The following MAP7 variants were observed in gnomAD, a reference collection of about 807,000 sequenced individuals.
MAP7 encodes ensconsin.
Under a neutral mutation model 94.8 loss-of-function variants are expected in MAP7, and 52 were observed. The ratio of observed to expected loss-of-function variants is 0.55; its 90% CI spans 0.44 to 0.69. MAP7 has a LOEUF of 0.69. MAP7 is among the 30% of genes least tolerant of loss of function. MAP7 has a pLI of 0.00. For synonymous variants in MAP7, 350 were observed against 357.0 expected (o/e 0.98, Z 0.22); for missense variants, 940 against 964.6 (o/e 0.97, Z 0.34).
At chr6:136,477,178 A>T (rs902179808) in intron 1 of MAP7, among the ~76,000 whole-genome samples, 1 of 152,220 alleles carries the variant, frequency 6.6e-6, no homozygotes, top group African/African-American at 2.4e-5. Flanking sequence ...AGCTGGAACA[A>T]ATCAACATGT....
intron 1 of MAP7, among the ~76,000 whole-genome samples, chr6:136,542,952 C>T (rs1829446831): frequency 6.6e-6 from 1 of 152,128 alleles, no homozygotes; most frequent in Non-Finnish European, 1.5e-5. Flanking sequence ...ACAAACAAAA[C>T]TAACGATACT....
chr6:136,529,693 G>A (rs573573156), intron 1 of MAP7, among the ~76,000 whole-genome samples: 29 of 152,288 alleles, frequency 1.9e-4, no homozygotes, highest in African/African-American at 5.3e-4. Context: ...TTTATATTGC[G>A]TAAAAATATT....
intron 1 of MAP7, among the ~76,000 whole-genome samples, chr6:136,496,909 G>A (rs887628655): frequency 2.0e-5 from 3 of 151,386 alleles, no homozygotes; most frequent in African/African-American, 4.9e-5. Flanking sequence ...AGCGGAGATC[G>A]CGCCACTGCA....
chr6:136,372,765 G>C, intron 7 of MAP7, 140 bp from the exon 8 acceptor site: 1 of 1,013,744 alleles, frequency 9.9e-7, no homozygotes. Flanking sequence ...GTAGGAAGAA[G>C]ATGTTATTAC....
intron 1 of MAP7, among the ~76,000 whole-genome samples, chr6:136,515,342 C>T (rs552886004): frequency 3.9e-5 from 6 of 152,308 alleles, no homozygotes; most frequent in Admixed American, 6.5e-5. Context: ...CAGGCTGTTT[C>T]GCTTTCTTAT....
chr6:136,423,172 T>C (rs1229839585), intron 1 of MAP7, among the ~76,000 whole-genome samples: 3 of 152,200 alleles, frequency 2.0e-5, no homozygotes, highest in East Asian at 1.9e-4. Context: ...GGGCATCCCA[T>C]ACCCATAGCA....
intron 2 of MAP7, 129 bp from the exon 3 acceptor site, chr6:136,411,826 A>T: frequency 5.7e-6 from 4 of 696,926 alleles, no homozygotes; most frequent in Non-Finnish European, 9.4e-6. Flanking sequence ...TACAACAATA[A>T]GTACATGTGA....
chr6:136,345,909 C>T lies in MAP7; in HGVS notation c.2186G>A (p.Gly729Glu). 6.2e-7 allele frequency: 1 copy of T among 1,614,054 alleles called. No homozygotes were observed. The highest frequency in any genetic ancestry group is 8.5e-7 in the Non-Finnish European group (1 of 1,180,012). Reference protein sequence around the residue: ...LNPILAFDDEGTLGPLPQVDG... With the variant: ...LNPILAFDDEETLGPLPQVDG... ...TACCTGAGGCAGGGGCCCAAGTGTCCCTTCATCATCAAAGGCCAAAATTGG... is the reference window on the plus strand; with the variant it reads ...TACCTGAGGCAGGGGCCCAAGTGTCTCTTCATCATCAAAGGCCAAAATTGG... Residue 729 changes from glycine to glutamate, a missense_variant, in exon 17 of 18, where the codon GGG becomes GAG. Physicochemically the swap from Gly to Glu is moderately conservative, Grantham distance 98. Coordinates refer to ENST00000354570, the MANE Select transcript of MAP7 (RefSeq NM_003980.6).
At chr6:136,527,920 CA>C (rs1339603177) in intron 1 of MAP7, among the ~76,000 whole-genome samples, 2 of 152,164 alleles carry the variant, frequency 1.3e-5, no homozygotes, top group African/African-American at 4.8e-5. Context: ...AGATCTCTGG[CA>C]TGAAGAAACG....
intron 1 of MAP7, among the ~76,000 whole-genome samples, chr6:136,490,798 T>C (rs1217156709): frequency 1.1e-4 from 16 of 152,182 alleles, no homozygotes; most frequent in Admixed American, 1.0e-3. Flanking sequence ...CTAAGGTATA[T>C]TCCCATCATC....
intron 1 of MAP7, among the ~76,000 whole-genome samples, chr6:136,506,914 A>T (rs1025337265): frequency 3.9e-5 from 6 of 152,144 alleles, no homozygotes; most frequent in Non-Finnish European, 8.8e-5. Flanking sequence ...ACTGCATTCA[A>T]ATAAGGCAAA....
intron 3 of MAP7, among the ~76,000 whole-genome samples, chr6:136,407,687 C>G (rs1786057670): frequency 1.3e-5 from 2 of 152,154 alleles, no homozygotes; most frequent in Non-Finnish European, 2.9e-5. Context: ...TAGGCTGAGT[C>G]CAGACTGACC....
intron 1 of MAP7, among the ~76,000 whole-genome samples, chr6:136,431,986 G>T (rs1001921847): frequency 3.9e-5 from 6 of 152,134 alleles, no homozygotes; most frequent in African/African-American, 1.4e-4. Flanking sequence ...TTCCTGCTTT[G>T]AATGTCGATG....
chr6:136,473,859 C>T (rs1397413538), intron 1 of MAP7, among the ~76,000 whole-genome samples: 1 of 152,142 alleles, frequency 6.6e-6, no homozygotes. Flanking sequence ...TTACCAAATG[C>T]CTGCTGTGTT....
At chr6:136,518,975 T>C (rs1388587487) in intron 1 of MAP7, among the ~76,000 whole-genome samples, 1 of 152,230 alleles carries the variant, frequency 6.6e-6, no homozygotes, top group East Asian at 1.9e-4. Context: ...TTACACTTTA[T>C]ATTGTACCTC....
chr6:136,356,000 T>C lies in MAP7; in HGVS notation c.2015+692A>G, dbSNP rs533157948. Among the ~76,000 whole-genome samples, 81 of 152,310 alleles carry C rather than the reference T, an allele frequency of 5.3e-4. No individual in the cohort carries two copies. The Middle Eastern group carries it at 0.017, about 32-fold the overall frequency. On this transcript the variant is annotated intron_variant, in intron 16 of 17. Coordinates refer to ENST00000354570, the MANE Select transcript of MAP7 (RefSeq NM_003980.6). ...CTTCAATAAGAAGCCCTGTTATTAATAATATAAGAAATACTGACATCTACA... is the reference window on the plus strand; with the variant it reads ...CTTCAATAAGAAGCCCTGTTATTAACAATATAAGAAATACTGACATCTACA...
chr6:136,430,903 C>T (rs1165550435), intron 1 of MAP7, among the ~76,000 whole-genome samples: 3 of 152,116 alleles, frequency 2.0e-5, no homozygotes, highest in African/African-American at 4.8e-5. Context: ...TGCAGCCCTG[C>T]GCCCCCACCG....
intron 1 of MAP7, among the ~76,000 whole-genome samples, chr6:136,499,061 A>G (rs1487719181): frequency 3.3e-5 from 5 of 152,030 alleles, no homozygotes; most frequent in African/African-American, 1.2e-4. Flanking sequence ...CTGGGATTAC[A>G]AGTACGCACC....
At chr6:136,472,041 G>T (rs1433893896) in intron 1 of MAP7, among the ~76,000 whole-genome samples, 1 of 152,154 alleles carries the variant, frequency 6.6e-6, no homozygotes, top group Non-Finnish European at 1.5e-5. Context: ...AGAGTCAAAT[G>T]CTAGACTCTT....
Sources: gnomAD v4.1 joint callset for allele counts (sites outside exome capture counted in the v4.1 genomes callset) on GRCh38, gnomAD v4.1.1 for gene constraint, MANE v1.5 for transcripts, NCBI Gene and HGNC (gene_info 2026-07-23, HGNC 2026-07-21) for gene names.